EIF5B: variants seen among roughly 807,000 people sequenced by gnomAD.
EIF5B encodes the protein eIF-5B.
A neutral mutation model predicts 147.5 loss-of-function variants in EIF5B; 47 were observed. The observed-to-expected ratio is 0.32, with a 90% confidence interval of 0.25 to 0.41. The LOEUF is 0.41. EIF5B is among the 10% of genes least tolerant of loss of function. The pLI is 1.00. For missense variants in EIF5B, 1,064 were observed against 1,413.2 expected (o/e 0.75, Z 3.96); for synonymous variants, 455 against 456.2 (o/e 1.00, Z 0.03).
chr2:99,351,260 C>T (rs1427007707), intron 1 of EIF5B, among the ~76,000 whole-genome samples: 3 of 152,292 alleles, frequency 2.0e-5, no homozygotes. Context: ...TGAGATTCAT[C>T]TATGTTAGTG....
At chr2:99,345,364 G>A (rs967303024) in intron 1 of EIF5B, among the ~76,000 whole-genome samples, 17 of 152,014 alleles carry the variant, frequency 1.1e-4, no homozygotes, top group African/African-American at 1.7e-4. Context: ...AGGCCATGGC[G>A]GGTGGATCAG....
intron 18 of EIF5B, 70 bp from the exon 19 acceptor site, chr2:99,394,197 A>T: frequency 6.5e-7 from 1 of 1,531,658 alleles, no homozygotes; most frequent in South Asian, 1.3e-5. Flanking sequence ...AGAGAGAAAC[A>T]CAATTTAATT....
At chr2:99,382,577 T>C (rs1355022255) in intron 13 of EIF5B, among the ~76,000 whole-genome samples, 1 of 152,196 alleles carries the variant, frequency 6.6e-6, no homozygotes, top group Middle Eastern at 3.2e-3. Context: ...AAATATTAGT[T>C]GGTTCTAAAA....
chr2:99,399,884 T>C lies in EIF5B; in HGVS notation c.*470T>C, dbSNP rs913797734. On this transcript the variant is annotated 3_prime_UTR_variant, in exon 24 of 24. Coordinates refer to ENST00000289371, the MANE Select transcript of EIF5B (RefSeq NM_015904.4). ...TGATTTTTCCAGCATTCTTCTGCCA[T>C]ATGCCTTTAGGGCTTTTATAAAATA... 2 of 155,810 alleles carry C rather than the reference T, an allele frequency of 1.3e-5. No individual in the cohort carries two copies. The highest frequency in any genetic ancestry group is 4.8e-5 in the African/African-American group (2 of 41,498). The allele number at this position is 155,810 out of a possible 1,614,324, so 9.7% of individuals were successfully genotyped here.
chr2:99,396,920 T>C (rs1054766793), intron 22 of EIF5B, 22 bp downstream of exon 22: 2 of 1,582,258 alleles, frequency 1.3e-6, no homozygotes, highest in African/African-American at 2.7e-5. Context: ...TTGTACATTC[T>C]GTGGGTCATT....
rs577071391 is a variant in EIF5B, at chr2:99,390,536, C to A, written c.2587-8C>A. On this transcript the variant is annotated splice_region_variant and splice_polypyrimidine_tract_variant and intron_variant, in intron 16 of 23. Coordinates refer to ENST00000289371, the MANE Select transcript of EIF5B (RefSeq NM_015904.4). ...GTATGTCTTTCTCTTTGCATTAATGCCTTTTAGGTTAAAGCTCTCCCGGGG... is the reference window on the plus strand; with the variant it reads ...GTATGTCTTTCTCTTTGCATTAATGACTTTTAGGTTAAAGCTCTCCCGGGG... 4 of 1,601,162 alleles carry A rather than the reference C, an allele frequency of 2.5e-6. No homozygotes were observed. The highest frequency in any genetic ancestry group is 3.4e-6 in the Non-Finnish European group (4 of 1,170,838).
intron 17 of EIF5B, 76 bp downstream of exon 17, chr2:99,390,781 C>T: frequency 1.4e-6 from 2 of 1,461,464 alleles, no homozygotes; most frequent in Non-Finnish European, 1.8e-6. Context: ...GGTTTCCTCA[C>T]TTTGAAAGCT....
chr2:99,364,043 A>G (rs1035691150), intron 5 of EIF5B, among the ~76,000 whole-genome samples, 181 bp downstream of exon 5: 5 of 152,226 alleles, frequency 3.3e-5, no homozygotes, highest in African/African-American at 1.2e-4. Context: ...TTATTTTCTC[A>G]AGAACAGATT....
intron 14 of EIF5B, among the ~76,000 whole-genome samples, chr2:99,384,853 G>T (rs1674767617): frequency 6.6e-6 from 1 of 152,222 alleles, no homozygotes; most frequent in South Asian, 2.1e-4. Context: ...GGTGGGCAAA[G>T]AAAGTGGTTT....
At chr2:99,346,244 A>G (rs910042089) in intron 1 of EIF5B, among the ~76,000 whole-genome samples, 2 of 152,230 alleles carry the variant, frequency 1.3e-5, no homozygotes, top group Admixed American at 6.5e-5. Context: ...AAGGGTGACC[A>G]TGAGGAATAT....
At chr2:99,378,612 T>A (rs535731188) in intron 10 of EIF5B, among the ~76,000 whole-genome samples, 2 of 152,354 alleles carry the variant, frequency 1.3e-5, no homozygotes, top group African/African-American at 4.8e-5. Flanking sequence ...GTGAATTTTT[T>A]AAAATGTACA....
chr2:99,383,034 T>A (rs1027142711), intron 14 of EIF5B, 113 bp downstream of exon 14: 1 of 1,062,466 alleles, frequency 9.4e-7, no homozygotes, highest in Non-Finnish European at 1.3e-6. Context: ...TGTGCTTCAC[T>A]ATATTGTGCT....
intron 15 of EIF5B, 61 bp downstream of exon 15, chr2:99,389,910 A>G (rs368869948): frequency 6.6e-7 from 1 of 1,519,730 alleles, no homozygotes; most frequent in Admixed American, 2.3e-5. Context: ...TATTATCTTT[A>G]TAATGAAGTC....
At chr2:99,388,876 G>A (rs1381409111) in intron 14 of EIF5B, among the ~76,000 whole-genome samples, 1 of 152,118 alleles carries the variant, frequency 6.6e-6, no homozygotes, top group African/African-American at 2.4e-5. Context: ...GAATGTGCAG[G>A]AATTGGATTA....
chr2:99,370,110 T>C (rs1180124454), intron 8 of EIF5B, among the ~76,000 whole-genome samples: 1 of 152,216 alleles, frequency 6.6e-6, no homozygotes, highest in East Asian at 1.9e-4. Flanking sequence ...ATTGGAAGGA[T>C]TTTTAACTAG....
chr2:99,376,387 T>C lies in EIF5B; in HGVS notation c.1593T>C (p.Pro531=). 6.6e-7 allele frequency: 1 copy of C among 1,524,248 alleles called. No individual in the cohort carries two copies. The highest frequency in any genetic ancestry group is 9.0e-7 in the Non-Finnish European group (1 of 1,113,528). The allele number at this position is 1,524,248 out of a possible 1,614,324, so 94.4% of individuals were successfully genotyped here. ...NKVHIEVKEN[P]EEEEEEEEEE... Reference sequence around the variant, plus strand: ...TTCATATAGAAGTAAAAGAAAACCCTGAAGAGGAGGAGGAGGAGGAAGAAG... The same window carrying C: ...TTCATATAGAAGTAAAAGAAAACCCCGAAGAGGAGGAGGAGGAGGAAGAAG... The change falls in exon 10 of 24, where the codon CCT becomes CCC. Residue 531 remains proline (P), a synonymous_variant. Transcript: ENST00000289371.
At chr2:99,387,614 A>C (rs1674840652) in intron 14 of EIF5B, among the ~76,000 whole-genome samples, 1 of 151,924 alleles carries the variant, frequency 6.6e-6, no homozygotes, top group Admixed American at 6.6e-5. Context: ...TTTTCTTTAT[A>C]TTGTTTTGGC....
At chr2:99,366,834 A>G (rs934830173) in intron 6 of EIF5B, among the ~76,000 whole-genome samples, 4 of 152,344 alleles carry the variant, frequency 2.6e-5, no homozygotes, top group Non-Finnish European at 5.9e-5. Flanking sequence ...AAGACTTAGT[A>G]TAAAGCTATA....
intron 1 of EIF5B, among the ~76,000 whole-genome samples, chr2:99,352,524 TC>T (rs1334971104): frequency 6.7e-6 from 1 of 149,160 alleles, no homozygotes; most frequent in Non-Finnish European, 1.5e-5. Flanking sequence ...GCTAATTGTG[TC>T]TTTTTTTTTT....
Sources: gnomAD v4.1 joint callset for allele counts (sites outside exome capture counted in the v4.1 genomes callset) on GRCh38, gnomAD v4.1.1 for gene constraint, MANE v1.5 for transcripts, NCBI Gene and HGNC (gene_info 2026-07-23, HGNC 2026-07-21) for gene names.